DPYSL2: variants seen among roughly 807,000 people sequenced by gnomAD.
The protein encoded by DPYSL2 is dihydropyrimidinase-related protein 2.
In DPYSL2, 13 loss-of-function variants were observed where a neutral mutation model predicts 69.9. The ratio of observed to expected loss-of-function variants is 0.19; its 90% CI spans 0.12 to 0.30. DPYSL2 has a LOEUF of 0.30. Ranked by LOEUF, DPYSL2 falls within the 10% of genes least tolerant of loss-of-function variation. The pLI, the probability that DPYSL2 is intolerant of heterozygous loss-of-function variation, is 1.00. For missense variants in DPYSL2, 587 were observed against 918.9 expected (o/e 0.64, Z 4.67); for synonymous variants, 326 against 359.1 (o/e 0.91, Z 1.04).
intron 1 of DPYSL2, among the ~76,000 whole-genome samples, chr8:26,576,681 C>T (rs1298393787): frequency 6.6e-6 from 1 of 152,262 alleles, no homozygotes; most frequent in Non-Finnish European, 1.5e-5. Flanking sequence ...TCTGCCTGGG[C>T]AGTCAGGACA....
chr8:26,544,223 G>A lies in DPYSL2; in HGVS notation c.354+29544G>A, dbSNP rs146845462. 2.9e-3 allele frequency among the ~76,000 whole-genome samples: 434 copies of A among 152,252 alleles called. 1 individual carries two copies. The highest frequency in any genetic ancestry group is 6.6e-3 in the Admixed American group (101 of 15,290). On this transcript the variant is annotated intron_variant, in intron 1 of 13. Transcript: ENST00000521913. ...TTATGTATGGTATAAACATAGCCAA[G>A]TAAAAGACAATGCATGGACATAAGG...
At position 26,647,447 on chromosome 8, in the gene DPYSL2, A is replaced by G. The variant is rs187641932; in HGVS notation, c.1426-183A>G. ...CCATCTCTACCATTTTGTTATTTGG[A>G]GAATGTTATAGAAATGGAGTCATAC... On this transcript the variant is annotated intron_variant, in intron 10 of 13. Coordinates refer to ENST00000521913, the MANE Select transcript of DPYSL2 (RefSeq NM_001197293.3). This position sits in a 1 kb window ranked among gnomAD's most constrained non-coding sequence, Gnocchi z 5.1. Among the ~76,000 whole-genome samples the G allele has an allele frequency of 6.6e-6, 1 of 152,306 alleles. No homozygotes were observed. Among genetic ancestry groups the G allele is most frequent in the Non-Finnish European group, 1.5e-5 (1 of 68,028 alleles).
rs1257055272 is a variant in DPYSL2 at position 26,598,513 on chromosome 8, T to C, written c.628+14530T>C. On this transcript the variant is annotated intron_variant, in intron 3 of 13. Coordinates refer to ENST00000521913, the MANE Select transcript of DPYSL2 (RefSeq NM_001197293.3). This position sits in a 1 kb window ranked among gnomAD's most constrained non-coding sequence, Gnocchi z 4.2. ...GTTGCTGTACTTAATGCTTCATGTTTTAGAATGTTAGTGCCAGCAGAAAGC... is the reference window on the plus strand; with the variant it reads ...GTTGCTGTACTTAATGCTTCATGTTCTAGAATGTTAGTGCCAGCAGAAAGC... 6.6e-6 allele frequency among the ~76,000 whole-genome samples: 1 copy of C among 152,172 alleles called. No individual in the cohort carries two copies. Among genetic ancestry groups the C allele is most frequent in the East Asian group, 1.9e-4 (1 of 5,200 alleles).
intron 1 of DPYSL2, among the ~76,000 whole-genome samples, chr8:26,522,144 C>T (rs1463707308): frequency 2.0e-5 from 3 of 152,132 alleles, no homozygotes; most frequent in African/African-American, 7.2e-5. Flanking sequence ...CCCATCTCTA[C>T]CGAAAATACA....
Position 26,578,011 on chromosome 8 carries a change from C to G in DPYSL2, c.355-3958C>G, listed in dbSNP as rs1168489404. 3 of 1,384,742 alleles carry G rather than the reference C, an allele frequency of 2.2e-6. No homozygotes were observed. The Admixed American group carries it at 9.4e-5, about 43-fold the overall frequency. The allele number at this position is 1,384,742 out of a possible 1,614,324, so 85.8% of individuals were successfully genotyped here. A position where few individuals can be genotyped will look rare whatever the true frequency, so the allele number is the denominator to read the frequency against. ...TCTCTCCTTCTCTCTCTCTCTCTCT[C>G]TCTCTCTTTTTTTTCCGCCCTAGCT... is the stretch of plus-strand genomic sequence containing the variant. On this transcript the variant is annotated intron_variant, in intron 1 of 13. Coordinates refer to ENST00000521913, the MANE Select transcript of DPYSL2 (RefSeq NM_001197293.3).
chr8:26,529,276 C>CATCTATCTATCTATCTATCT (rs1554531947), intron 1 of DPYSL2, among the ~76,000 whole-genome samples: 1 of 136,288 alleles, frequency 7.3e-6, no homozygotes, highest in African/African-American at 2.8e-5. Flanking sequence ...ATCTATCTAT[C>CATCTATCTATCTATCTATCT]ATCTATCTAT....
chr8:26,519,858 G>A (rs963352949), intron 1 of DPYSL2, among the ~76,000 whole-genome samples: 5 of 151,870 alleles, frequency 3.3e-5, no homozygotes, highest in South Asian at 4.2e-4. Context: ...TGGTATGGAC[G>A]ATTTTGTTAA....
chr8:26,651,188 C>T (rs1169430915), intron 11 of DPYSL2, among the ~76,000 whole-genome samples: 1 of 152,228 alleles, frequency 6.6e-6, no homozygotes, highest in Non-Finnish European at 1.5e-5. Flanking sequence ...GAGCAATGTA[C>T]TGACAGCCCT....
At position 26,588,835 on chromosome 8, in the gene DPYSL2, C is replaced by T. The variant is rs949322426; in HGVS notation, c.628+4852C>T. On this transcript the variant is annotated intron_variant, in intron 3 of 13. Transcript: ENST00000521913. This position sits in a 1 kb window ranked among gnomAD's most constrained non-coding sequence, Gnocchi z 5.4. ...GAGGGCTCGCTGGAGGTTGTGCTGG[C>T]GGTATCTGCAGAGTCATCCTAGCAT... is the stretch of plus-strand genomic sequence containing the variant. Among the ~76,000 whole-genome samples, 9 of 152,144 alleles carry T rather than the reference C, an allele frequency of 5.9e-5. No homozygotes were observed. Among genetic ancestry groups the T allele is most frequent in the Non-Finnish European group, 1.3e-4 (9 of 68,012 alleles).
chr8:26,563,547 C>A (rs768133001), intron 1 of DPYSL2, among the ~76,000 whole-genome samples: 1 of 152,296 alleles, frequency 6.6e-6, no homozygotes, highest in East Asian at 1.9e-4. Context: ...AATTTTCCCT[C>A]CAGAGGCAAA....
At chr8:26,649,495 C>T (rs1263558345) in intron 11 of DPYSL2, among the ~76,000 whole-genome samples, 1 of 152,212 alleles carries the variant, frequency 6.6e-6, no homozygotes, top group African/African-American at 2.4e-5. Flanking sequence ...CCCCAACCTA[C>T]CCTGCTTTTA....
chr8:26,588,441 G>A lies in DPYSL2; in HGVS notation c.628+4458G>A, dbSNP rs1251088365. Among the ~76,000 whole-genome samples the A allele has an allele frequency of 6.6e-6, 1 of 152,156 alleles. No homozygotes were observed. The highest frequency in any genetic ancestry group is 6.5e-5 in the Admixed American group (1 of 15,280). ...GAGCTTTTTGAAAGCATGACTTTCA[G>A]GGGTGCATGCCGGATCTGCACACTC... On this transcript the variant is annotated intron_variant, in intron 3 of 13. Coordinates refer to ENST00000521913, the MANE Select transcript of DPYSL2 (RefSeq NM_001197293.3). This position sits in a 1 kb window ranked among gnomAD's most constrained non-coding sequence, Gnocchi z 5.4.
intron 1 of DPYSL2, among the ~76,000 whole-genome samples, chr8:26,579,399 A>G (rs913896908): frequency 2.6e-5 from 4 of 152,236 alleles, no homozygotes; most frequent in Non-Finnish European, 5.9e-5. Context: ...AGGGGGGAAC[A>G]CCAGGGAAAT....
At chr8:26,547,800 C>T (rs1440741731) in intron 1 of DPYSL2, 1 of 364,068 alleles carries the variant, frequency 2.7e-6, no homozygotes. Context: ...CTGAGGAATT[C>T]CCCTACAGAT....
At chr8:26,573,426 T>TG (rs1376920316) in intron 1 of DPYSL2, among the ~76,000 whole-genome samples, 1 of 151,630 alleles carries the variant, frequency 6.6e-6, no homozygotes, top group Non-Finnish European at 1.5e-5. Flanking sequence ...CCCAGCACTT[T>TG]GGGGGGCTGA....
rs1214866914 is a variant in DPYSL2 at position 26,655,783 on chromosome 8, CT to C, written c.*90del. On this transcript the variant is annotated 3_prime_UTR_variant, in exon 14 of 14. Coordinates refer to ENST00000521913, the MANE Select transcript of DPYSL2 (RefSeq NM_001197293.3). ...CATTCTGAGACTTCTTTCTTCCTTC[CT>C]TTTTTTTTTTTTGTTTTTTTTTTTA... The C allele has an allele frequency of 0.093, 77,742 of 834,750 alleles. No individual in the cohort carries two copies. The highest frequency in any genetic ancestry group is 0.12 in the East Asian group (2,970 of 25,700). 51.7% of individuals were successfully genotyped at this position (834,750 alleles called of 1,614,324 possible). A position where few individuals can be genotyped will look rare whatever the true frequency, so the allele number is the denominator to read the frequency against.
chr8:26,616,005 G>C lies in DPYSL2; in HGVS notation c.629-8138G>C, dbSNP rs73678822. Among the ~76,000 whole-genome samples the C allele has an allele frequency of 2.0e-3, 307 of 152,296 alleles. 1 individual carries two copies. Among genetic ancestry groups the C allele is most frequent in the African/African-American group, 7.1e-3 (296 of 41,570 alleles). On this transcript the variant is annotated intron_variant, in intron 3 of 13. Coordinates refer to ENST00000521913, the MANE Select transcript of DPYSL2 (RefSeq NM_001197293.3). ...TTTATCAAACCACATCTATGTAGCAGATGCTCTTCAAGCATTTCCCATATT... is the reference window on the plus strand; with the variant it reads ...TTTATCAAACCACATCTATGTAGCACATGCTCTTCAAGCATTTCCCATATT...
intron 1 of DPYSL2, among the ~76,000 whole-genome samples, chr8:26,528,571 C>T (rs1041747021): frequency 7.9e-5 from 12 of 151,464 alleles, no homozygotes; most frequent in South Asian, 2.1e-4. Context: ...CGCTTGAACC[C>T]GGTGGGTGGA....
intron 1 of DPYSL2, among the ~76,000 whole-genome samples, chr8:26,524,038 A>C (rs1442790702): frequency 6.6e-6 from 1 of 152,254 alleles, no homozygotes; most frequent in Non-Finnish European, 1.5e-5. Context: ...GTGTGTACAC[A>C]GAAGTGGAAT....
Sources: gnomAD v4.1 joint callset for allele counts (sites outside exome capture counted in the v4.1 genomes callset) on GRCh38, gnomAD v4.1.1 for gene constraint, Gnocchi (gnomAD v3.1) non-coding constraint, MANE v1.5 for transcripts, NCBI Gene and HGNC (gene_info 2026-07-23, HGNC 2026-07-21) for gene names.